ATL2: variants seen among roughly 807,000 people sequenced by gnomAD.
The protein encoded by ATL2 is atlastin-2.
In ATL2, 31 loss-of-function variants were observed where a neutral mutation model predicts 73.9. The observed-to-expected ratio is 0.42, with a 90% CI of 0.32 to 0.57. ATL2 has a LOEUF of 0.57. Ranked by LOEUF, ATL2 falls within the 20% of genes least tolerant of loss-of-function variation. The pLI is 0.14. For synonymous variants in ATL2, 291 were observed against 237.5 expected (o/e 1.23, Z -2.07); for missense variants, 738 against 702.6 (o/e 1.05, Z -0.57).
In ATL2 at chr2:38,297,595, T is replaced by C. The variant is rs1666964545; in HGVS notation, c.1632+549A>G. Among the ~76,000 whole-genome samples, 3 of 152,318 alleles carry C rather than the reference T, an allele frequency of 2.0e-5. No individual in the cohort carries two copies. In the South Asian group the frequency reaches 6.2e-4, roughly 32 times the overall value. On this transcript the variant is annotated intron_variant, in intron 12 of 12. Coordinates refer to ENST00000378954, the MANE Select transcript of ATL2 (RefSeq NM_001135673.4). ...GTTCTCTGTTCATGGCGCTTTGCTT[T>C]ACTAATTAATATTTCCAAAACACAA...
chr2:38,363,202 C>T (rs778124004), intron 1 of ATL2, among the ~76,000 whole-genome samples: 14 of 152,248 alleles, frequency 9.2e-5, no homozygotes, highest in Middle Eastern at 3.4e-3. Flanking sequence ...ACAACCAGGT[C>T]TTTCTAATTG....
intron 1 of ATL2, among the ~76,000 whole-genome samples, chr2:38,373,793 T>C (rs1671815786): frequency 6.6e-6 from 1 of 152,238 alleles, no homozygotes; most frequent in Non-Finnish European, 1.5e-5. Context: ...ACAAACAGAA[T>C]TGTTCTACTT....
rs529612304 is a variant in ATL2, at chr2:38,336,768, G to T, written c.363+6500C>A. Among the ~76,000 whole-genome samples the T allele has an allele frequency of 3.3e-5, 5 of 152,232 alleles. No individual in the cohort carries two copies. The East Asian group carries it at 9.6e-4, about 29-fold the overall frequency. On this transcript the variant is annotated intron_variant, in intron 2 of 12. Coordinates refer to ENST00000378954, the MANE Select transcript of ATL2 (RefSeq NM_001135673.4). ...TGAAATATAATTATCACTGCACAGG[G>T]TTATTTCTGAATACTAAGTAAGATA...
rs1281667892 is a variant in ATL2 at position 38,336,451 on chromosome 2, G to T, written c.363+6817C>A. On this transcript the variant is annotated intron_variant, in intron 2 of 12. Transcript: ENST00000378954. ...ATACAGCAAGGATCCTTTATTTATTGAGCTTAGATACCAGTGCATAGCAAG... is the reference window on the plus strand; with the variant it reads ...ATACAGCAAGGATCCTTTATTTATTTAGCTTAGATACCAGTGCATAGCAAG... 2.0e-5 allele frequency among the ~76,000 whole-genome samples: 3 copies of T among 152,128 alleles called. No individual in the cohort carries two copies. The East Asian group carries it at 5.8e-4, about 29-fold the overall frequency.
intron 2 of ATL2, 24 bp downstream of exon 2, chr2:38,343,244 G>T: frequency 6.5e-7 from 1 of 1,536,754 alleles, no homozygotes; most frequent in Non-Finnish European, 8.7e-7. Flanking sequence ...TTTTTAATTG[G>T]GTTCAATTTA....
chr2:38,359,446 C>G (rs942545307), intron 1 of ATL2: 1 of 149,634 alleles, frequency 6.7e-6, no homozygotes, highest in Non-Finnish European at 1.5e-5. Flanking sequence ...CCATTGCACT[C>G]CAGCCTCAGT....
Position 38,337,775 on chromosome 2 carries a change from G to T in ATL2, c.363+5493C>A, listed in dbSNP as rs1669458581. ...GTATATGGGCATTTATTATATTATT[G>T]CCTACTTTTACATGTATTTATTAAT... On this transcript the variant is annotated intron_variant, in intron 2 of 12. Coordinates refer to ENST00000378954, the MANE Select transcript of ATL2 (RefSeq NM_001135673.4). 3.3e-5 allele frequency among the ~76,000 whole-genome samples: 5 copies of T among 151,892 alleles called. No homozygotes were observed. In the South Asian group the frequency reaches 1.0e-3, roughly 31 times the overall value.
intron 6 of ATL2, among the ~76,000 whole-genome samples, chr2:38,313,953 G>A (rs1329801785): frequency 6.6e-6 from 1 of 152,048 alleles, no homozygotes; most frequent in East Asian, 1.9e-4. Context: ...ATCCAAAAAC[G>A]AAGGCATCAT....
chr2:38,318,653 A>G lies in ATL2; in HGVS notation c.499-14T>C. 6.4e-7 allele frequency: 1 copy of G among 1,562,706 alleles called. No individual in the cohort carries two copies. Among genetic ancestry groups the G allele is most frequent in the Non-Finnish European group, 8.6e-7 (1 of 1,157,850 alleles). Reference sequence around the variant, plus strand: ...CAGCACAGCAACCTAGGAATTTGAGAGTTTAAAATATTTAGTAAAACAGTT... The same window carrying G: ...CAGCACAGCAACCTAGGAATTTGAGGGTTTAAAATATTTAGTAAAACAGTT... On this transcript the variant is annotated splice_polypyrimidine_tract_variant and intron_variant, in intron 3 of 12. Transcript: ENST00000378954.
chr2:38,360,490 C>A (rs1417755650), intron 1 of ATL2, among the ~76,000 whole-genome samples: 1 of 152,096 alleles, frequency 6.6e-6, no homozygotes, highest in Non-Finnish European at 1.5e-5. Context: ...CTATGTTGCC[C>A]AGGCTGGTCT....
chr2:38,333,049 A>G (rs1422778150), intron 2 of ATL2, among the ~76,000 whole-genome samples: 1 of 152,158 alleles, frequency 6.6e-6, no homozygotes, highest in African/African-American at 2.4e-5. Flanking sequence ...AAAGAGAAAG[A>G]AAAGAAATTC....
chr2:38,307,433 A>G (rs1415941498), intron 9 of ATL2, among the ~76,000 whole-genome samples: 2 of 148,396 alleles, frequency 1.3e-5, no homozygotes, highest in Non-Finnish European at 3.0e-5. Flanking sequence ...TGGGAGGCGG[A>G]CGTTACAGCA....
intron 1 of ATL2, chr2:38,358,507 AG>A: frequency 3.9e-6 from 1 of 258,660 alleles, no homozygotes; most frequent in Non-Finnish European, 8.4e-6. Flanking sequence ...TCGAGACCAC[AG>A]GGAAACCCCG....
At chr2:38,317,831 A>AT (rs2148434893) in intron 4 of ATL2, among the ~76,000 whole-genome samples, 1 of 152,368 alleles carries the variant, frequency 6.6e-6, no homozygotes, top group African/African-American at 2.4e-5. Flanking sequence ...TCCATAATGA[A>AT]AAACTAAAGA....
intron 2 of ATL2, among the ~76,000 whole-genome samples, chr2:38,333,367 A>T (rs972231135): frequency 2.0e-5 from 3 of 152,174 alleles, no homozygotes; most frequent in African/African-American, 7.2e-5. Flanking sequence ...GGAAGGAGGT[A>T]GGGAGTTAAT....
intron 1 of ATL2, among the ~76,000 whole-genome samples, chr2:38,372,032 A>C (rs1370880959): frequency 6.6e-6 from 1 of 152,134 alleles, no homozygotes; most frequent in African/African-American, 2.4e-5. Flanking sequence ...TGTAGTTCTA[A>C]TCACTGTCCA....
chr2:38,299,440 G>T (rs1402734885), intron 10 of ATL2, 113 bp from the exon 11 acceptor site: 2 of 1,086,680 alleles, frequency 1.8e-6, no homozygotes, highest in Admixed American at 3.8e-5. Flanking sequence ...ACCAGAGAAA[G>T]TAACTTCCAG....
intron 1 of ATL2, among the ~76,000 whole-genome samples, chr2:38,373,387 G>T (rs769427737): frequency 6.6e-6 from 1 of 152,216 alleles, no homozygotes; most frequent in African/African-American, 2.4e-5. Flanking sequence ...CAATCATAAA[G>T]TTGTATGAAC....
intron 6 of ATL2, among the ~76,000 whole-genome samples, chr2:38,313,464 CTAAATA>C (rs1667863596): frequency 6.6e-6 from 1 of 152,080 alleles, no homozygotes. Flanking sequence ...AAGAACTTCA[CTAAATA>C]TAAAGAAAGA....
Sources: allele counts gnomAD v4.1 joint callset (sites outside exome capture counted in the v4.1 genomes callset), GRCh38; gene constraint gnomAD v4.1.1; transcripts MANE v1.5; gene names NCBI Gene and HGNC (gene_info 2026-07-23, HGNC 2026-07-21).